The following COL23A1 variants were observed in gnomAD, a reference collection of about 807,000 sequenced individuals.
COL23A1 encodes the protein collagen type XXIII alpha 1 chain, also known as collagen alpha-1(XXIII) chain.
COL23A1 carries 97 observed loss-of-function variants against 99.3 expected under a neutral mutation model. The ratio of observed to expected loss-of-function variants is 0.98; its 90% CI spans 0.83 to 1.16. The LOEUF is 1.16. COL23A1 is among the 50% of genes most tolerant of loss of function. The probability of loss-of-function intolerance (pLI) is 0.00; values close to 1 mark genes in which losing one functional copy is unlikely to be tolerated. For missense variants in COL23A1, 762 were observed against 757.4 expected (o/e 1.01, Z -0.07); for synonymous variants, 320 against 308.2 (o/e 1.04, Z -0.40).
intron 8 of COL23A1, among the ~76,000 whole-genome samples, chr5:178,264,470 G>C (rs950174207): frequency 6.6e-6 from 1 of 151,912 alleles, no homozygotes; most frequent in South Asian, 2.1e-4. Flanking sequence ...GGCCCAACCC[G>C]AGAGGAAGGG....
Position 178,306,857 on chromosome 5 carries a change from A to C in COL23A1, c.406+18T>G. ...CTTCCAAGCCTTGGCTTAGGAGCTG[A>C]GAAAACCTGGGACTCACCAGGGTCG... On this transcript the variant is annotated intron_variant, in intron 3 of 28. Coordinates refer to ENST00000390654, the MANE Select transcript of COL23A1 (RefSeq NM_173465.4). The surrounding 1 kb of genome is among the most constrained non-coding windows in gnomAD (Gnocchi z 4.1). 6.7e-7 allele frequency: 1 copy of C among 1,490,554 alleles called. No individual in the cohort carries two copies. The highest frequency in any genetic ancestry group is 8.9e-7 in the Non-Finnish European group (1 of 1,117,426). The allele number at this position is 1,490,554 out of a possible 1,614,324, so 92.3% of individuals were successfully genotyped here.
chr5:178,337,295 G>A (rs1367410293), intron 2 of COL23A1, among the ~76,000 whole-genome samples: 2 of 152,250 alleles, frequency 1.3e-5, no homozygotes, highest in Non-Finnish European at 2.9e-5. Context: ...GGTGATCCCC[G>A]GCCAGACCCC....
At chr5:178,522,276 G>T in intron 2 of COL23A1, among the ~76,000 whole-genome samples, 1 of 152,152 alleles carries the variant, frequency 6.6e-6, no homozygotes, top group Non-Finnish European at 1.5e-5. Context: ...AGGAAAAAGA[G>T]AAAAACTAAC....
chr5:178,399,377 AG>A (rs1342121111), intron 2 of COL23A1, among the ~76,000 whole-genome samples: 1 of 152,248 alleles, frequency 6.6e-6, no homozygotes, highest in Non-Finnish European at 1.5e-5. Flanking sequence ...AGCACTCACT[AG>A]CTGCTGGATC....
At chr5:178,400,542 T>C (rs1202123820) in intron 2 of COL23A1, among the ~76,000 whole-genome samples, 6 of 152,154 alleles carry the variant, frequency 3.9e-5, no homozygotes, top group Admixed American at 2.0e-4. Context: ...TGTGGTAAGA[T>C]AGACATAACA....
chr5:178,501,947 G>C (rs967620379), intron 2 of COL23A1, among the ~76,000 whole-genome samples: 1 of 152,250 alleles, frequency 6.6e-6, no homozygotes, highest in Non-Finnish European at 1.5e-5. Context: ...CCGTGTCAGG[G>C]AAGGACGGCT....
intron 2 of COL23A1, among the ~76,000 whole-genome samples, chr5:178,404,920 C>T (rs1764673298): frequency 6.6e-6 from 1 of 152,182 alleles, no homozygotes; most frequent in South Asian, 2.1e-4. Flanking sequence ...ATGCAGCTAA[C>T]CTTGATTTTG....
intron 2 of COL23A1, among the ~76,000 whole-genome samples, chr5:178,349,396 G>A (rs533043513): frequency 4.7e-4 from 71 of 152,276 alleles, no homozygotes; most frequent in African/African-American, 1.7e-3. Flanking sequence ...TGATAACCCG[G>A]GTGATGCTGT....
intron 2 of COL23A1, among the ~76,000 whole-genome samples, chr5:178,322,033 C>G (rs537165998): frequency 1.7e-4 from 26 of 151,630 alleles, no homozygotes; most frequent in African/African-American, 5.8e-4. Context: ...TGCTCTGTCA[C>G]CCAGGCTGAA....
At chr5:178,358,160 A>ATG in intron 2 of COL23A1, among the ~76,000 whole-genome samples, 1 of 132,482 alleles carries the variant, frequency 7.5e-6, no homozygotes, top group East Asian at 2.3e-4. Context: ...GTATGTGTGT[A>ATG]TGTCTAATGT....
At chr5:178,312,206 A>T (rs1292629821) in intron 2 of COL23A1, among the ~76,000 whole-genome samples, 2 of 152,144 alleles carry the variant, frequency 1.3e-5, no homozygotes, top group African/African-American at 4.8e-5. Flanking sequence ...CCGTGTCCCT[A>T]ATCACTGCCT....
chr5:178,560,554 C>A, intron 2 of COL23A1, 128 bp downstream of exon 2: 3 of 757,838 alleles, frequency 4.0e-6, no homozygotes, highest in South Asian at 1.9e-5. Flanking sequence ...GAAAGAAAGG[C>A]CCCAGGCCAG....
intron 2 of COL23A1, among the ~76,000 whole-genome samples, chr5:178,490,256 TGA>T (rs1581491704): frequency 6.7e-6 from 1 of 150,334 alleles, no homozygotes; most frequent in South Asian, 2.1e-4. Context: ...AAACAAAAAA[TGA>T]GAGAGAGAGA....
chr5:178,502,886 C>A (rs1040690659), intron 2 of COL23A1, among the ~76,000 whole-genome samples: 1 of 152,162 alleles, frequency 6.6e-6, no homozygotes, highest in African/African-American at 2.4e-5. Context: ...GCCCCTGAAC[C>A]GCAGCACACG....
chr5:178,536,094 C>G (rs1173849149), intron 2 of COL23A1, among the ~76,000 whole-genome samples: 2 of 152,374 alleles, frequency 1.3e-5, no homozygotes, highest in East Asian at 3.9e-4. Flanking sequence ...GGCTCTGAGG[C>G]CACCAGCAAG....
chr5:178,573,064 G>C (rs1010161735), intron 1 of COL23A1, among the ~76,000 whole-genome samples: 70 of 152,302 alleles, frequency 4.6e-4, no homozygotes, highest in African/African-American at 1.6e-3. Flanking sequence ...GGAAGGGAGG[G>C]AACTGAACGA....
chr5:178,254,807 G>A (rs1222415643), intron 16 of COL23A1, 142 bp downstream of exon 16: 5 of 692,194 alleles, frequency 7.2e-6, no homozygotes, highest in Non-Finnish European at 1.3e-5. Flanking sequence ...CACATTGGGT[G>A]CCTAGTAACA....
At chr5:178,494,334 G>T (rs507710) in intron 2 of COL23A1, among the ~76,000 whole-genome samples, 4,152 of 152,264 alleles carry the variant, frequency 0.027, 184 homozygotes, top group African/African-American at 0.094. Context: ...AGCAGAGACT[G>T]GCCCAATAGC....
At chr5:178,394,333 C>T (rs1369431867) in intron 2 of COL23A1, among the ~76,000 whole-genome samples, 3 of 152,208 alleles carry the variant, frequency 2.0e-5, no homozygotes, top group Non-Finnish European at 4.4e-5. Context: ...CAACCCTGAG[C>T]CCTCAACTCG....
Sources: gnomAD v4.1 joint callset for allele counts (sites outside exome capture counted in the v4.1 genomes callset) on GRCh38, gnomAD v4.1.1 for gene constraint, Gnocchi (gnomAD v3.1) non-coding constraint, MANE v1.5 for transcripts, NCBI Gene and HGNC (gene_info 2026-07-23, HGNC 2026-07-21) for gene names.